The following KAZN variants were observed in gnomAD, a reference collection of about 807,000 sequenced individuals.
KAZN encodes kazrin, periplakin interacting protein.
Under a neutral mutation model 87.4 loss-of-function variants are expected in KAZN, and 40 were observed. The ratio of observed to expected loss-of-function variants is 0.46; its 90% confidence interval spans 0.36 to 0.60. The LOEUF (loss-of-function observed/expected upper bound fraction) is 0.60, where lower values mean the gene tolerates loss of function less well. Ranked by LOEUF, KAZN falls within the 20% of genes least tolerant of loss-of-function variation. KAZN has a pLI of 0.00. For missense variants in KAZN, 898 were observed against 1,073.9 expected (o/e 0.84, Z 2.29); for synonymous variants, 466 against 458.3 (o/e 1.02, Z -0.22).
intron 1 of KAZN, among the ~76,000 whole-genome samples, chr1:14,954,897 A>G (rs1000212814): frequency 6.6e-6 from 1 of 152,162 alleles, no homozygotes; most frequent in African/African-American, 2.4e-5. Context: ...GCTTGCAGTG[A>G]GCCAAGATCG....
At chr1:14,413,361 C>T (rs553738019) in intron 2 of KAZN, among the ~76,000 whole-genome samples, 8 of 151,964 alleles carry the variant, frequency 5.3e-5, no homozygotes, top group East Asian at 1.9e-4. Context: ...GAGGCTGAGG[C>T]GGGCGGATCA....
intron 1 of KAZN, among the ~76,000 whole-genome samples, chr1:14,126,462 C>CT (rs2101719558): frequency 6.6e-6 from 1 of 151,518 alleles, no homozygotes; most frequent in African/African-American, 2.4e-5. Flanking sequence ...GAAGTATTCA[C>CT]TGGCAGACTG....
At chr1:14,924,315 C>A in intron 1 of KAZN, 1 of 985,732 alleles carries the variant, frequency 1.0e-6, no homozygotes, top group South Asian at 4.5e-5. Context: ...CGGCGCGCGC[C>A]GTCGGAGCCC....
chr1:14,203,728 C>G (rs1413928750), intron 2 of KAZN, among the ~76,000 whole-genome samples: 1 of 152,172 alleles, frequency 6.6e-6, no homozygotes, highest in Non-Finnish European at 1.5e-5. Flanking sequence ...ATTTTAGAAA[C>G]CATCATTTCA....
At chr1:14,964,971 G>A (rs1391590749) in intron 2 of KAZN, among the ~76,000 whole-genome samples, 2 of 152,102 alleles carry the variant, frequency 1.3e-5, no homozygotes, top group South Asian at 2.1e-4. Context: ...TTGAATTTTG[G>A]TCTCATCATG....
intron 1 of KAZN, among the ~76,000 whole-genome samples, chr1:14,888,566 ATTAATTCAC>A (rs1275044778): frequency 2.0e-5 from 3 of 151,810 alleles, no homozygotes; most frequent in Non-Finnish European, 2.9e-5. Flanking sequence ...GTGACTATTA[ATTAATTCAC>A]GCAAATATAG....
chr1:14,918,479 C>G (rs1272868119), intron 1 of KAZN, among the ~76,000 whole-genome samples: 2 of 151,520 alleles, frequency 1.3e-5, no homozygotes, highest in African/African-American at 4.9e-5. Flanking sequence ...AGTTCGAGAC[C>G]AGCCAGACCA....
At chr1:14,116,679 G>A (rs556406537) in intron 1 of KAZN, among the ~76,000 whole-genome samples, 3 of 152,258 alleles carry the variant, frequency 2.0e-5, no homozygotes, top group South Asian at 4.1e-4. Context: ...TGAGAAGAGG[G>A]CCACTGTCCT....
At chr1:14,997,860 G>A (rs1266846087) in intron 2 of KAZN, among the ~76,000 whole-genome samples, 1 of 152,198 alleles carries the variant, frequency 6.6e-6, no homozygotes, top group Non-Finnish European at 1.5e-5. Context: ...CTTAGTTGCT[G>A]TGTGGCTTTG....
At chr1:13,952,022 C>T (rs1641366617) in intron 1 of KAZN, among the ~76,000 whole-genome samples, 1 of 152,312 alleles carries the variant, frequency 6.6e-6, no homozygotes, top group Non-Finnish European at 1.5e-5. Flanking sequence ...AGGGTGGTGT[C>T]TTAACCCAGA....
At chr1:14,160,867 G>T (rs949350348) in intron 1 of KAZN, among the ~76,000 whole-genome samples, 3 of 152,178 alleles carry the variant, frequency 2.0e-5, no homozygotes, top group Non-Finnish European at 4.4e-5. Flanking sequence ...TGCATCTGAT[G>T]ACAAGGAAAA....
chr1:15,028,136 C>T (rs1671352052), intron 2 of KAZN, among the ~76,000 whole-genome samples: 1 of 152,206 alleles, frequency 6.6e-6, no homozygotes, highest in Non-Finnish European at 1.5e-5. Context: ...TGGTTACACC[C>T]TGGTCTCAGG....
intron 1 of KAZN, among the ~76,000 whole-genome samples, chr1:13,964,212 G>A (rs1464831743): frequency 6.6e-6 from 1 of 152,200 alleles, no homozygotes; most frequent in African/African-American, 2.4e-5. Flanking sequence ...AGATACTATA[G>A]TTCTATATAG....
At chr1:14,306,339 G>A (rs112743367) in intron 2 of KAZN, among the ~76,000 whole-genome samples, 2,926 of 152,262 alleles carry the variant, frequency 0.019, 100 homozygotes, top group African/African-American at 0.067. Context: ...CGTGGACCAC[G>A]CATGAGCTCA....
intron 1 of KAZN, among the ~76,000 whole-genome samples, chr1:13,944,429 A>G (rs1641058620): frequency 6.6e-6 from 1 of 152,240 alleles, no homozygotes; most frequent in Non-Finnish European, 1.5e-5. Context: ...GTAAATTGCT[A>G]TAAAATAAAT....
intron 2 of KAZN, among the ~76,000 whole-genome samples, chr1:14,331,695 C>A (rs114491760): frequency 2.6e-5 from 4 of 152,176 alleles, no homozygotes; most frequent in Non-Finnish European, 5.9e-5. Flanking sequence ...GTCTATCACC[C>A]GAACAACAAA....
chr1:14,396,248 G>C (rs1032704106), intron 2 of KAZN, among the ~76,000 whole-genome samples: 1 of 151,770 alleles, frequency 6.6e-6, no homozygotes, highest in African/African-American at 2.4e-5. Flanking sequence ...CTGAATGTGG[G>C]CCTTAGAAAA....
intron 5 of KAZN, among the ~76,000 whole-genome samples, chr1:15,057,691 G>A (rs545635131): frequency 3.9e-5 from 6 of 152,290 alleles, no homozygotes; most frequent in East Asian, 1.9e-4. Context: ...CAGCATCCTC[G>A]TCAGGCAGGG....
intron 1 of KAZN, among the ~76,000 whole-genome samples, chr1:14,110,458 C>T (rs992183387): frequency 6.6e-6 from 1 of 152,230 alleles, no homozygotes; most frequent in Admixed American, 6.5e-5. Flanking sequence ...CCTTCTCCTG[C>T]GCCTGTATGG....
Sources: allele counts gnomAD v4.1 joint callset (sites outside exome capture counted in the v4.1 genomes callset), GRCh38; gene constraint gnomAD v4.1.1; transcripts MANE v1.5; gene names NCBI Gene and HGNC (gene_info 2026-07-23, HGNC 2026-07-21).